MCFD2: variants seen among roughly 807,000 people sequenced by gnomAD.
MCFD2 encodes multiple coagulation factor deficiency protein 2.
In MCFD2, 11 loss-of-function variants were observed where a neutral mutation model predicts 12.8. The observed-to-expected ratio is 0.86, with a 90% confidence interval of 0.54 to 1.42. MCFD2 has a LOEUF of 1.42. Ranked by LOEUF, MCFD2 falls within the 40% of genes most tolerant of loss-of-function variation. MCFD2 has a pLI of 0.00. For missense variants in MCFD2, 191 were observed against 178.6 expected, an observed-to-expected ratio of 1.07 and a Z score of -0.40; for synonymous variants, 70 against 68.1, an observed-to-expected ratio of 1.03 and a Z score of -0.14.
At chr2:46,906,052 C>T (rs147557748) in intron 3 of MCFD2, 21 of 469,612 alleles carry the variant, frequency 4.5e-5, no homozygotes, top group African/African-American at 2.6e-4. Flanking sequence ...AAGGCACTGC[C>T]GATGAGCAGA....
In MCFD2 at chr2:46,908,846, G is replaced by A. The variant is rs548156410; in HGVS notation, c.149+177C>T. 5.0e-6 allele frequency: 4 copies of A among 805,646 alleles called. No homozygotes were observed. The highest frequency in any genetic ancestry group is 5.4e-5 in the East Asian group (2 of 37,060). 49.9% of individuals were successfully genotyped at this position (805,646 alleles called of 1,614,324 possible). On this transcript the variant is annotated intron_variant, in intron 2 of 3. Transcript: ENST00000319466. This position sits in a 1 kb window ranked among gnomAD's most constrained non-coding sequence, Gnocchi z 4.5. ...AAAGATCTTCCACCTGTGATACAAT[G>A]ATGAAAAAAGAATACCTGACTTATA...
Position 46,941,516 on chromosome 2 carries a change from C to T in MCFD2, c.-8+56G>A. The T allele has an allele frequency of 6.5e-7, 1 of 1,548,420 alleles. No homozygotes were observed. The highest frequency in any genetic ancestry group is 8.7e-7 in the Non-Finnish European group (1 of 1,146,312). ...GCCGGGTCTCCACTTCTTGGCCGCA[C>T]CTTCCATGACAGCGCCCGCGAGAAG... On this transcript the variant is annotated intron_variant, in intron 1 of 2. Coordinates refer to the MCFD2 transcript ENST00000409147. The surrounding 1 kb of genome is among the most constrained non-coding windows in gnomAD (Gnocchi z 4.2).
chr2:46,927,754 G>C (rs2103827226), intron 1 of MCFD2, among the ~76,000 whole-genome samples: 1 of 151,852 alleles, frequency 6.6e-6, no homozygotes, highest in Middle Eastern at 3.4e-3. Flanking sequence ...AAGTGCAAAA[G>C]AAAACTGCTC....
upstream of MCFD2, chr2:46,916,556 T>C (rs1668799920): frequency 6.5e-6 from 1 of 153,018 alleles, no homozygotes; most frequent in Admixed American, 6.5e-5. Context: ...ACACCTGTGC[T>C]CCTATACAAG....
intron 1 of MCFD2, among the ~76,000 whole-genome samples, chr2:46,922,283 T>G (rs372435691): frequency 5.3e-5 from 8 of 152,234 alleles, no homozygotes; most frequent in African/African-American, 1.7e-4. Context: ...TACTCATGGT[T>G]GATTATTTCC....
rs777188077 is a variant in MCFD2 at position 46,909,105 on chromosome 2, C to T, written c.67G>A (p.Gly23Ser). The T allele has an allele frequency of 1.2e-6, 2 of 1,614,240 alleles. No homozygotes were observed. The highest frequency in any genetic ancestry group is 1.7e-6 in the Non-Finnish European group (2 of 1,180,044). ...CGLLWAFCAPGARAEEPAASF... is the reference protein window; with the variant it reads ...CGLLWAFCAPSARAEEPAASF... ...GCTGCAGGCTCCTCAGCCCTGGCGC[C>T]TGGGGCACAAAAGGCCCAGAGCAGG... The change falls in exon 2 of 4, where the codon GGC becomes AGC. Residue 23 changes from glycine to serine, a missense_variant. Physicochemically the swap from Gly to Ser is moderately conservative, Grantham distance 56. Coordinates refer to ENST00000319466, the MANE Select transcript of MCFD2 (RefSeq NM_139279.6).
intron 1 of MCFD2, 124 bp downstream of exon 1, chr2:46,915,599 A>C: frequency 4.8e-6 from 1 of 207,230 alleles, no homozygotes; most frequent in Non-Finnish European, 8.4e-6. Context: ...GCGTCCCGAG[A>C]CGGCCTGGGG....
upstream of MCFD2, among the ~76,000 whole-genome samples, chr2:46,918,958 T>G (rs1209295081): frequency 6.6e-6 from 1 of 152,198 alleles, no homozygotes; most frequent in Non-Finnish European, 1.5e-5. Context: ...CTTTGTGTAC[T>G]CAGGTTGAAA....
rs770152708 is a variant in MCFD2, at chr2:46,907,898, AGCTGCAATTCTTGTG to A, written c.206_220del (p.Pro69_Gln73del). 1 of 1,614,106 alleles carries A rather than the reference AGCTGCAATTCTTGTG, an allele frequency of 6.2e-7. No homozygotes were observed. Among genetic ancestry groups the A allele is most frequent in the Non-Finnish European group, 8.5e-7 (1 of 1,180,044 alleles). ...ATAATCATGCATTTTGAAGTAATGG[AGCTGCAATTCTTGTG>A]GCGACATCTCCGCCTCTGGTTTGTT... On this transcript the variant is annotated inframe_deletion, in exon 3 of 4. Coordinates refer to ENST00000319466, the MANE Select transcript of MCFD2 (RefSeq NM_139279.6). The surrounding 1 kb of genome is among the most constrained non-coding windows in gnomAD (Gnocchi z 4.1).
chr2:46,935,653 A>G (rs13409489), intron 1 of MCFD2, among the ~76,000 whole-genome samples: 5,408 of 152,228 alleles, frequency 0.036, 123 homozygotes, highest in Non-Finnish European at 0.053. Context: ...TCCAACTGAG[A>G]CCTCCTCAAC....
intron 1 of MCFD2, among the ~76,000 whole-genome samples, chr2:46,911,564 A>G (rs1213570697): frequency 6.6e-6 from 1 of 152,230 alleles, no homozygotes; most frequent in Admixed American, 6.5e-5. Context: ...ACACTTTTGT[A>G]AAATAAAAAT....
At position 46,941,360 on chromosome 2, in the gene MCFD2, G is replaced by T. The variant is rs2103884564; in HGVS notation, c.-8+212C>A. 2 of 364,850 alleles carry T rather than the reference G, an allele frequency of 5.5e-6. No homozygotes were observed. The highest frequency in any genetic ancestry group is 1.7e-4 in the East Asian group (2 of 11,450). The allele number at this position is 364,850 out of a possible 1,614,324, so 22.6% of individuals were successfully genotyped here. On this transcript the variant is annotated intron_variant, in intron 1 of 2. Coordinates refer to the MCFD2 transcript ENST00000409147. This position sits in a 1 kb window ranked among gnomAD's most constrained non-coding sequence, Gnocchi z 4.2. ...GGCGCCGGGCGGTGCGCTGGGAGCT[G>T]CTGGTGCTGCTGCTGCTGCTGCTGC... is the stretch of plus-strand genomic sequence containing the variant.
intron 1 of MCFD2, among the ~76,000 whole-genome samples, chr2:46,913,218 A>C: frequency 6.6e-6 from 1 of 152,192 alleles, no homozygotes; most frequent in Non-Finnish European, 1.5e-5. Context: ...ATCGATAAAC[A>C]TAAAGAAAAA....
chr2:46,916,987 A>G (rs1286028263), upstream of MCFD2, among the ~76,000 whole-genome samples: 1 of 151,744 alleles, frequency 6.6e-6, no homozygotes, highest in Admixed American at 6.6e-5. Flanking sequence ...AAGGTACATA[A>G]TCGTTTTTCA....
At position 46,940,232 on chromosome 2, in the gene MCFD2, G is replaced by A. The variant is rs190553267; in HGVS notation, c.-8+1340C>T. Among the ~76,000 whole-genome samples the A allele has an allele frequency of 2.6e-5, 4 of 152,138 alleles. No homozygotes were observed. The highest frequency in any genetic ancestry group is 4.4e-5 in the Non-Finnish European group (3 of 68,020). ...GGTGAAGACTCCAGAGGGAGGACGT[G>A]GAGCACCTTCTAACTCTTAGGAGTC... On this transcript the variant is annotated intron_variant, in intron 1 of 2. Coordinates refer to the MCFD2 transcript ENST00000409147. This position sits in a 1 kb window ranked among gnomAD's most constrained non-coding sequence, Gnocchi z 4.7.
Position 46,941,264 on chromosome 2 carries a change from G to T in MCFD2, c.-8+308C>A, listed in dbSNP as rs984362379. 6.3e-6 allele frequency: 1 copy of T among 158,076 alleles called. No individual in the cohort carries two copies. Among genetic ancestry groups the T allele is most frequent in the African/African-American group, 2.4e-5 (1 of 41,268 alleles). 9.8% of individuals were successfully genotyped at this position (158,076 alleles called of 1,614,324 possible). A position where few individuals can be genotyped will look rare whatever the true frequency, so the allele number is the denominator to read the frequency against. On this transcript the variant is annotated intron_variant, in intron 1 of 2. Coordinates refer to the MCFD2 transcript ENST00000409147. The surrounding 1 kb of genome is among the most constrained non-coding windows in gnomAD (Gnocchi z 4.2). ...GCGGCGGCGGCGGCGGCAGCGCCAG[G>T]AGCTGCTACAGCAGAGGCGGAGGTT...
chr2:46,911,796 G>A (rs1572615640), intron 1 of MCFD2, among the ~76,000 whole-genome samples: 1 of 151,830 alleles, frequency 6.6e-6, no homozygotes, highest in East Asian at 2.0e-4. Flanking sequence ...CGTGGTGGCG[G>A]GCACCTGTAG....
intron 1 of MCFD2, among the ~76,000 whole-genome samples, chr2:46,935,154 G>A (rs565194241): frequency 3.3e-5 from 5 of 152,062 alleles, no homozygotes; most frequent in East Asian, 1.9e-4. Flanking sequence ...CCTGAGAAGC[G>A]TTGGTCACTA....
chr2:46,917,802 T>C (rs1668892725), upstream of MCFD2, among the ~76,000 whole-genome samples: 1 of 152,232 alleles, frequency 6.6e-6, no homozygotes, highest in Non-Finnish European at 1.5e-5. Flanking sequence ...CAACACTGTT[T>C]TATCAAAGCC....
Sources: gnomAD v4.1 joint callset for allele counts (sites outside exome capture counted in the v4.1 genomes callset) on GRCh38, gnomAD v4.1.1 for gene constraint, Gnocchi (gnomAD v3.1) non-coding constraint, MANE v1.5 for transcripts, NCBI Gene and HGNC (gene_info 2026-07-23, HGNC 2026-07-21) for gene names.